Variants in TANGO2 observed in about 807,000 individuals in gnomAD.
TANGO2 encodes the protein transport and Golgi organization protein 2 homolog.
In TANGO2, 26 loss-of-function variants were observed where a neutral mutation model predicts 39.1. The ratio of observed to expected loss-of-function variants is 0.67; its 90% CI spans 0.49 to 0.92. TANGO2 has a LOEUF of 0.92. Among genes scored for constraint, TANGO2 ranks in the 40% least tolerant of loss-of-function variants. TANGO2 has a pLI of 0.00. For missense variants in TANGO2, 326 were observed against 360.1 expected, an observed-to-expected ratio of 0.91 and a Z score of 0.77; for synonymous variants, 131 against 144.5, an observed-to-expected ratio of 0.91 and a Z score of 0.67.
chr22:20,023,212 C>T (rs2040052908), intron 1 of TANGO2, among the ~76,000 whole-genome samples: 1 of 152,214 alleles, frequency 6.6e-6, no homozygotes, highest in Non-Finnish European at 1.5e-5. Context: ...GGGGTACATC[C>T]ATTGAGATCT....
At chr22:20,063,200 AAAG>A (rs907422003) in intron 7 of TANGO2, 135 bp from the exon 8 acceptor site, 86 of 637,714 alleles carry the variant, frequency 1.3e-4, no homozygotes, top group South Asian at 4.2e-4. Flanking sequence ...AGGAAAAAGA[AAAG>A]AAGAAAAGAA....
At chr22:20,028,894 C>T (rs2041305316) in intron 1 of TANGO2, among the ~76,000 whole-genome samples, 1 of 152,204 alleles carries the variant, frequency 6.6e-6, no homozygotes, top group African/African-American at 2.4e-5. Context: ...CCACCCTCCA[C>T]CCCACCTACC....
At chr22:20,026,269 G>A (rs113731241) in intron 1 of TANGO2, among the ~76,000 whole-genome samples, 11,723 of 152,256 alleles carry the variant, frequency 0.077, 1,220 homozygotes, top group African/African-American at 0.23. Flanking sequence ...ATGGTGGCAC[G>A]CACCTGTAAT....
At chr22:20,032,621 G>A (rs2042081531) in intron 1 of TANGO2, among the ~76,000 whole-genome samples, 1 of 152,252 alleles carries the variant, frequency 6.6e-6, no homozygotes, top group African/African-American at 2.4e-5. Flanking sequence ...TGGCCCAAGT[G>A]CTGAGCCCAG....
chr22:20,054,125 A>G (rs2046922577), intron 5 of TANGO2: 1 of 266,270 alleles, frequency 3.8e-6, no homozygotes, highest in Non-Finnish European at 7.4e-6. Flanking sequence ...CTCCTTCCAC[A>G]AGGGCAGGTC....
At chr22:20,036,972 G>A in intron 2 of TANGO2, 118 bp downstream of exon 2, 1 of 1,609,152 alleles carries the variant, frequency 6.2e-7, no homozygotes, top group Non-Finnish European at 8.5e-7. Flanking sequence ...GGGCTGCACA[G>A]GCCTGGCACT....
At chr22:20,018,976 T>G (rs574371665), upstream of TANGO2, among the ~76,000 whole-genome samples, 20 of 152,064 alleles carry the variant, frequency 1.3e-4, no homozygotes, top group African/African-American at 4.8e-4. Flanking sequence ...TCCCAGCTAC[T>G]TGGGAGGCTG....
Position 20,036,762 on chromosome 22 carries a change from C to T in TANGO2, c.-37C>T. On this transcript the variant is annotated splice_region_variant and 5_prime_UTR_variant, in exon 2 of 9. Coordinates refer to ENST00000327374, the MANE Select transcript of TANGO2 (RefSeq NM_152906.7). ...TCAGTGTTTTCCTTTTCCCGCAGACCTCGCGACCTGTGTCAGCAGAGCCGC... is the reference window on the plus strand; with the variant it reads ...TCAGTGTTTTCCTTTTCCCGCAGACTTCGCGACCTGTGTCAGCAGAGCCGC... 1.2e-6 allele frequency: 2 copies of T among 1,614,016 alleles called. No individual in the cohort carries two copies. Among genetic ancestry groups the T allele is most frequent in the Non-Finnish European group, 1.7e-6 (2 of 1,179,848 alleles).
At chr22:20,064,244 G>A (rs1471406920) in intron 8 of TANGO2, among the ~76,000 whole-genome samples, 1 of 152,218 alleles carries the variant, frequency 6.6e-6, no homozygotes, top group African/African-American at 2.4e-5. Flanking sequence ...TCAGCCCGCA[G>A]GCTGCCCTAT....
chr22:20,063,560 G>C (rs987048775), intron 8 of TANGO2, 118 bp downstream of exon 8: 2 of 922,628 alleles, frequency 2.2e-6, no homozygotes, highest in Non-Finnish European at 3.2e-6. Flanking sequence ...CGCCTGAGTG[G>C]ATTCCAGAGC....
chr22:20,058,860 T>A (rs191544002), intron 6 of TANGO2, among the ~76,000 whole-genome samples: 1 of 152,202 alleles, frequency 6.6e-6, no homozygotes, highest in Non-Finnish European at 1.5e-5. Context: ...GGAAAAGCCA[T>A]ACATATTTAT....
intron 1 of TANGO2, among the ~76,000 whole-genome samples, chr22:20,022,495 C>T (rs1213723936): frequency 2.0e-4 from 31 of 152,236 alleles, no homozygotes. Flanking sequence ...GCAGGCCCCT[C>T]AGACCAAGCC....
chr22:20,038,076 G>A (rs1370679326), intron 2 of TANGO2, among the ~76,000 whole-genome samples: 3 of 152,278 alleles, frequency 2.0e-5, no homozygotes, highest in Admixed American at 6.5e-5. Flanking sequence ...GCAACAGAGC[G>A]AGACTGCATC....
At chr22:20,022,819 G>A (rs1012801071) in intron 1 of TANGO2, among the ~76,000 whole-genome samples, 5 of 152,248 alleles carry the variant, frequency 3.3e-5, no homozygotes, top group Admixed American at 6.5e-5. Flanking sequence ...GAAATGGCCC[G>A]GGATAGGGAG....
rs1399007037 is a variant in TANGO2 at position 20,067,025 on chromosome 22, A to C, written c.*2363A>C. 1.3e-5 allele frequency: 2 copies of C among 152,256 alleles called. No individual in the cohort carries two copies. The highest frequency in any genetic ancestry group is 2.9e-5 in the Non-Finnish European group (2 of 68,064). 9.4% of individuals were successfully genotyped at this position (152,256 alleles called of 1,614,324 possible). A position where few individuals can be genotyped will look rare whatever the true frequency, so the allele number is the denominator to read the frequency against. On this transcript the variant is annotated 3_prime_UTR_variant, in exon 9 of 9. Coordinates refer to ENST00000327374, the MANE Select transcript of TANGO2 (RefSeq NM_152906.7). ...CTGACCCACAGTACCTCAGAATGTG[A>C]CTGCATTTGGAGATAGGGTTCTTCC... is the stretch of plus-strand genomic sequence containing the variant.
upstream of TANGO2, among the ~76,000 whole-genome samples, chr22:20,020,246 C>T (rs1320014825): frequency 6.6e-6 from 1 of 152,212 alleles, no homozygotes; most frequent in Admixed American, 6.5e-5. Flanking sequence ...ATCATTATCC[C>T]TAATGTCTTT....
chr22:20,065,026 G>A lies in TANGO2; in HGVS notation c.*364G>A, dbSNP rs375205325. ...CATGCAAGCCATATACATGGACACC[G>A]ACACAGGCACATGTACGTGCACAGG... On this transcript the variant is annotated 3_prime_UTR_variant, in exon 9 of 9. Coordinates refer to ENST00000327374, the MANE Select transcript of TANGO2 (RefSeq NM_152906.7). 2.3e-4 allele frequency: 55 copies of A among 241,194 alleles called. 1 individual carries two copies. Among genetic ancestry groups the A allele is most frequent in the African/African-American group, 1.2e-3 (53 of 45,294 alleles). The allele number at this position is 241,194 out of a possible 1,614,324, so 14.9% of individuals were successfully genotyped here. A position where few individuals can be genotyped will look rare whatever the true frequency, so the allele number is the denominator to read the frequency against.
At chr22:20,040,240 C>A (rs1389917470) in intron 2 of TANGO2, among the ~76,000 whole-genome samples, 2 of 152,186 alleles carry the variant, frequency 1.3e-5, no homozygotes, top group African/African-American at 4.8e-5. Context: ...AATTAATGTT[C>A]CTGAGTTATT....
chr22:20,034,767 GCCCCCGAGGCCA>G (rs1229282760), intron 1 of TANGO2, among the ~76,000 whole-genome samples: 1 of 152,016 alleles, frequency 6.6e-6, no homozygotes, highest in Non-Finnish European at 1.5e-5. Context: ...TGTCTCCTTC[GCCCCCGAGGCCA>G]CCAGAGTATG....
Sources: allele counts gnomAD v4.1 joint callset (sites outside exome capture counted in the v4.1 genomes callset), GRCh38; gene constraint gnomAD v4.1.1; transcripts MANE v1.5; gene names NCBI Gene and HGNC (gene_info 2026-07-23, HGNC 2026-07-21).